FGGY: variants seen among roughly 807,000 people sequenced by gnomAD.
FGGY encodes the protein FGGY carbohydrate kinase domain-containing protein.
In FGGY, 72 loss-of-function variants were observed where a neutral mutation model predicts 71.3. The ratio of observed to expected loss-of-function variants is 1.01; its 90% CI spans 0.84 to 1.23. The LOEUF (loss-of-function observed/expected upper bound fraction) is 1.23. Among genes scored for constraint, FGGY ranks in the 50% most tolerant of loss-of-function variants. The pLI, the probability that FGGY is intolerant of heterozygous loss-of-function variation, is 0.00. For missense variants in FGGY, 668 were observed against 682.3 expected, an observed-to-expected ratio of 0.98 and a Z score of 0.23; for synonymous variants, 251 against 250.3, an observed-to-expected ratio of 1.00 and a Z score of -0.02.
intron 6 of FGGY, among the ~76,000 whole-genome samples, chr1:59,482,083 A>G (rs1423205035): frequency 6.6e-6 from 1 of 152,204 alleles, no homozygotes; most frequent in Non-Finnish European, 1.5e-5. Flanking sequence ...AGGGTATCTA[A>G]TAACCAGATG....
chr1:59,699,472 CA>C, intron 14 of FGGY: 1 of 864,708 alleles, frequency 1.2e-6, no homozygotes, highest in Non-Finnish European at 1.4e-6. Context: ...GCTAAAATCT[CA>C]AAAACAACCC....
chr1:59,342,275 G>A (rs944294110), intron 3 of FGGY, among the ~76,000 whole-genome samples: 2 of 152,152 alleles, frequency 1.3e-5, no homozygotes, highest in African/African-American at 2.4e-5. Flanking sequence ...AGTCTAGTAT[G>A]TAGAGAATCA....
intron 5 of FGGY, among the ~76,000 whole-genome samples, chr1:59,420,576 G>A (rs987223141): frequency 6.6e-6 from 1 of 152,136 alleles, no homozygotes; most frequent in Non-Finnish European, 1.5e-5. Flanking sequence ...AAACGGTAGA[G>A]ACTGACTCCA....
chr1:59,727,816 A>AT (rs1192752094), intron 14 of FGGY, among the ~76,000 whole-genome samples: 3 of 152,136 alleles, frequency 2.0e-5, no homozygotes, highest in Admixed American at 1.3e-4. Context: ...TTAAATTACT[A>AT]TTTTTCCCCT....
chr1:59,562,543 C>T (rs2095808311), intron 8 of FGGY, among the ~76,000 whole-genome samples: 1 of 152,146 alleles, frequency 6.6e-6, no homozygotes, highest in Non-Finnish European at 1.5e-5. Flanking sequence ...GATATCCCTG[C>T]CCAGCTTTTA....
At chr1:59,657,447 T>G (rs1254218760) in intron 11 of FGGY, among the ~76,000 whole-genome samples, 1 of 152,190 alleles carries the variant, frequency 6.6e-6, no homozygotes, top group Admixed American at 6.5e-5. Flanking sequence ...GCCAGGCCAG[T>G]ACAGGAGAGA....
At chr1:59,499,299 G>GTTTTGTTTTTTT in intron 6 of FGGY, among the ~76,000 whole-genome samples, 1 of 105,804 alleles carries the variant, frequency 9.5e-6, no homozygotes, top group Admixed American at 1.1e-4. Context: ...TACTATGTTT[G>GTTTTGTTTTTTT]TTTTTTTTTT....
intron 10 of FGGY, among the ~76,000 whole-genome samples, chr1:59,632,698 G>T (rs1198551250): frequency 6.6e-6 from 1 of 152,178 alleles, no homozygotes; most frequent in African/African-American, 2.4e-5. Context: ...AGGAAATGAG[G>T]ATTATTGGGA....
chr1:59,518,059 G>A (rs646078), intron 7 of FGGY, among the ~76,000 whole-genome samples: 4,106 of 152,266 alleles, frequency 0.027, 192 homozygotes, highest in African/African-American at 0.09. Flanking sequence ...TGGATTATTT[G>A]GCAGATGTTG....
At chr1:59,502,205 T>C (rs753437711) in intron 6 of FGGY, among the ~76,000 whole-genome samples, 1 of 152,210 alleles carries the variant, frequency 6.6e-6, no homozygotes, top group Non-Finnish European at 1.5e-5. Context: ...TCCCAAGTGC[T>C]ATGCTAAACC....
At chr1:59,607,104 A>G (rs984240472) in intron 8 of FGGY, among the ~76,000 whole-genome samples, 3 of 152,214 alleles carry the variant, frequency 2.0e-5, no homozygotes, top group Non-Finnish European at 4.4e-5. Flanking sequence ...GTAGACATTT[A>G]TTTTTGCTCA....
rs143090214 is a variant in FGGY at position 59,542,433 on chromosome 1, G to A, written c.800-11691G>A. On this transcript the variant is annotated intron_variant, in intron 7 of 15. Coordinates refer to ENST00000303721, the MANE Select transcript of FGGY (RefSeq NM_018291.5). Reference sequence around the variant, plus strand: ...CTGTTCTTTCAAGCCAAGACTATATGTATGTTCTTTACTTTTTTTTTTTTT... The same window carrying A: ...CTGTTCTTTCAAGCCAAGACTATATATATGTTCTTTACTTTTTTTTTTTTT... 3.5e-3 allele frequency among the ~76,000 whole-genome samples: 318 copies of A among 89,998 alleles called. 1 individual carries two copies. The highest frequency in any genetic ancestry group is 0.011 in the African/African-American group (293 of 25,510). 59.0% of individuals were successfully genotyped at this position (89,998 alleles called of 152,430 possible).
At chr1:59,596,055 C>T (rs1571880855) in intron 8 of FGGY, among the ~76,000 whole-genome samples, 1 of 152,174 alleles carries the variant, frequency 6.6e-6, no homozygotes, top group Admixed American at 6.5e-5. Context: ...TTATAGAGTA[C>T]AGGCAGAGGT....
At chr1:59,509,376 A>G (rs1331453508) in intron 6 of FGGY, among the ~76,000 whole-genome samples, 2 of 152,196 alleles carry the variant, frequency 1.3e-5, no homozygotes, top group Non-Finnish European at 2.9e-5. Flanking sequence ...CTCTGCTATA[A>G]TACTGCCAGA....
intron 5 of FGGY, among the ~76,000 whole-genome samples, chr1:59,441,921 C>G (rs57640469): frequency 6.6e-6 from 1 of 152,176 alleles, no homozygotes; most frequent in Non-Finnish European, 1.5e-5. Context: ...AATGTATCCT[C>G]TACAACCTTT....
intron 14 of FGGY, among the ~76,000 whole-genome samples, chr1:59,753,373 C>T (rs2098262076): frequency 6.7e-6 from 1 of 150,146 alleles, no homozygotes; most frequent in African/African-American, 2.5e-5. Context: ...GGGTATTCTC[C>T]ACGTTGTGTC....
chr1:59,650,986 T>A (rs911438098), intron 11 of FGGY, among the ~76,000 whole-genome samples: 2 of 151,564 alleles, frequency 1.3e-5, no homozygotes, highest in Non-Finnish European at 2.9e-5. Context: ...ACATCTTTAT[T>A]TCTGCCTTCA....
intron 7 of FGGY, among the ~76,000 whole-genome samples, chr1:59,551,522 AGG>A (rs2095607799): frequency 5.3e-5 from 8 of 152,156 alleles, no homozygotes; most frequent in African/African-American, 1.9e-4. Context: ...TTTTCTGTCA[AGG>A]ATCTCAGAAT....
At chr1:59,474,922 TA>T (rs143815378) in intron 6 of FGGY, among the ~76,000 whole-genome samples, 2,968 of 152,290 alleles carry the variant, frequency 0.019, 104 homozygotes, top group African/African-American at 0.069. Context: ...ATTAGTATAT[TA>T]TGAAGATTAG....
Sources: allele counts gnomAD v4.1 joint callset (sites outside exome capture counted in the v4.1 genomes callset), GRCh38; gene constraint gnomAD v4.1.1; transcripts MANE v1.5; gene names NCBI Gene and HGNC (gene_info 2026-07-23, HGNC 2026-07-21).